The following FABP6 variants were observed in gnomAD, a reference collection of about 807,000 sequenced individuals.
FABP6 encodes gastrotropin.
FABP6 carries 13 observed loss-of-function variants against 14.9 expected under a neutral mutation model. That is an observed-to-expected ratio of 0.87 (90% CI 0.57 to 1.39). The LOEUF (loss-of-function observed/expected upper bound fraction) is 1.39. Among genes scored for constraint, FABP6 ranks in the 40% most tolerant of loss-of-function variants. The probability of loss-of-function intolerance (pLI) is 0.00; values close to 1 mark genes in which losing one functional copy is unlikely to be tolerated. For synonymous variants in FABP6, 75 were observed against 63.6 expected (o/e 1.18, Z -0.85); for missense variants, 161 against 167.2 (o/e 0.96, Z 0.20).
At chr5:160,214,144 T>TTTCTTTCC (rs1561748564) in intron 3 of FABP6, among the ~76,000 whole-genome samples, 1 of 112,012 alleles carries the variant, frequency 8.9e-6, no homozygotes, top group Non-Finnish European at 2.0e-5. Flanking sequence ...TCTTTCTTTC[T>TTTCTTTCC]TTCTTTCTTT....
At chr5:160,190,577 G>A (rs1012229100) in intron 1 of FABP6, among the ~76,000 whole-genome samples, 4 of 152,138 alleles carry the variant, frequency 2.6e-5, no homozygotes, top group Non-Finnish European at 4.4e-5. Flanking sequence ...TGAGATTAAA[G>A]TAAGGATTGA....
chr5:160,216,246 A>G (rs539235072), intron 3 of FABP6, among the ~76,000 whole-genome samples: 10 of 151,796 alleles, frequency 6.6e-5, no homozygotes, highest in Non-Finnish European at 1.5e-4. Context: ...AATGATGAAT[A>G]TATGACTTAC....
chr5:160,212,947 C>T (rs545952442), intron 2 of FABP6, among the ~76,000 whole-genome samples: 1 of 152,228 alleles, frequency 6.6e-6, no homozygotes, highest in South Asian at 2.1e-4. Flanking sequence ...GGAAAAGAGC[C>T]AGGATGGGAT....
intron 3 of FABP6, among the ~76,000 whole-genome samples, chr5:160,217,090 A>G (rs2113114005): frequency 6.6e-6 from 1 of 152,286 alleles, no homozygotes; most frequent in South Asian, 2.1e-4. Flanking sequence ...ATGATAATTT[A>G]TGTAAAGCAT....
chr5:160,215,220 A>G (rs2113110604), intron 3 of FABP6, among the ~76,000 whole-genome samples: 1 of 152,352 alleles, frequency 6.6e-6, no homozygotes, highest in East Asian at 1.9e-4. Flanking sequence ...ATGGCCATTA[A>G]AAGTGATGGT....
upstream of FABP6, chr5:160,228,641 C>T (rs1282414760): frequency 2.3e-6 from 1 of 428,730 alleles, no homozygotes; most frequent in Non-Finnish European, 4.7e-6. Context: ...AGCATCCAGC[C>T]CAGTGCCTGG....
chr5:160,198,985 T>G, intron 1 of FABP6: 1 of 988,978 alleles, frequency 1.0e-6, no homozygotes, highest in Non-Finnish European at 1.6e-6. Flanking sequence ...AATAGACAAA[T>G]GAATGAACAA....
At chr5:160,200,659 C>G (rs1307475026) in intron 2 of FABP6, among the ~76,000 whole-genome samples, 2 of 152,158 alleles carry the variant, frequency 1.3e-5, no homozygotes, top group Non-Finnish European at 2.9e-5. Context: ...GGTGATCCAC[C>G]CGCCTTGGCC....
chr5:160,208,613 T>A (rs1759819463), intron 2 of FABP6, among the ~76,000 whole-genome samples: 3 of 152,140 alleles, frequency 2.0e-5, no homozygotes, highest in Admixed American at 2.0e-4. Flanking sequence ...TAATGGGTTA[T>A]CATAAGAGTG....
intron 1 of FABP6, among the ~76,000 whole-genome samples, chr5:160,194,193 C>CG (rs1759463391): frequency 6.6e-6 from 1 of 152,332 alleles, no homozygotes; most frequent in South Asian, 2.1e-4. Flanking sequence ...GCTCCCAGTG[C>CG]GGGACCCACC....
chr5:160,237,000 C>G (rs1760532177), intron 3 of FABP6, among the ~76,000 whole-genome samples: 2 of 151,968 alleles, frequency 1.3e-5, no homozygotes, highest in Admixed American at 1.3e-4. Context: ...TAATAATAAT[C>G]TAAAAACTAA....
intron 3 of FABP6, among the ~76,000 whole-genome samples, chr5:160,221,088 C>CAAAA (rs397884568): frequency 4.1e-5 from 3 of 72,732 alleles, no homozygotes; most frequent in African/African-American, 9.2e-5. Context: ...GACTTTCTCT[C>CAAAA]AAAAAAAAAA....
intron 1 of FABP6, among the ~76,000 whole-genome samples, chr5:160,188,503 C>T (rs1279768660): frequency 6.6e-6 from 1 of 152,162 alleles, no homozygotes; most frequent in African/African-American, 2.4e-5. Context: ...GCAGGGAGGC[C>T]ACTCCGCAGG....
intron 1 of FABP6, among the ~76,000 whole-genome samples, chr5:160,192,872 G>A (rs1004339713): frequency 1.3e-5 from 2 of 152,282 alleles, no homozygotes; most frequent in African/African-American, 2.4e-5. Flanking sequence ...AGCACTTTGG[G>A]AGGCTGAGGT....
At chr5:160,197,990 G>C (rs1759550998) in intron 1 of FABP6, 1 of 144,702 alleles carries the variant, frequency 6.9e-6, no homozygotes, top group African/African-American at 2.6e-5. Flanking sequence ...GTGAGAGAGA[G>C]AGAAAGAGGA....
chr5:160,229,870 TA>T, intron 1 of FABP6, among the ~76,000 whole-genome samples: 2 of 117,786 alleles, frequency 1.7e-5, no homozygotes, highest in African/African-American at 3.0e-5. Context: ...TATTTTATTT[TA>T]TTTTATTTTA....
At chr5:160,229,904 C>G (rs1005551513) in intron 1 of FABP6, among the ~76,000 whole-genome samples, 1 of 149,330 alleles carries the variant, frequency 6.7e-6, no homozygotes, top group Non-Finnish European at 1.5e-5. Context: ...GACAGAGTCT[C>G]ACTCTGTCTC....
chr5:160,203,926 C>T (rs1759702241), intron 2 of FABP6, among the ~76,000 whole-genome samples: 1 of 152,052 alleles, frequency 6.6e-6, no homozygotes, highest in Non-Finnish European at 1.5e-5. Context: ...ATCTCGAACT[C>T]CTGACCTCAG....
At chr5:160,218,768 T>A (rs1394881521) in intron 3 of FABP6, among the ~76,000 whole-genome samples, 4 of 151,590 alleles carry the variant, frequency 2.6e-5, no homozygotes, top group South Asian at 2.1e-4. Context: ...GCCTTTTTTT[T>A]TTTTTTATGA....
Sources: allele counts gnomAD v4.1 joint callset (sites outside exome capture counted in the v4.1 genomes callset), GRCh38; gene constraint gnomAD v4.1.1; transcripts MANE v1.5; gene names NCBI Gene and HGNC (gene_info 2026-07-23, HGNC 2026-07-21).